The following HERC2 variants were observed in gnomAD, a reference collection of about 807,000 sequenced individuals.
HERC2 encodes the protein HECT and RLD domain containing E3 ubiquitin protein ligase 2.
In HERC2, 102 loss-of-function variants were observed where a neutral mutation model predicts 537.7. The observed-to-expected ratio is 0.19, with a 90% CI of 0.16 to 0.22. The LOEUF (loss-of-function observed/expected upper bound fraction) is 0.22, where lower values mean the gene tolerates loss of function less well. Ranked by LOEUF, HERC2 falls within the 10% of genes least tolerant of loss-of-function variation. The probability of loss-of-function intolerance (pLI) is 1.00; values close to 1 mark genes in which losing one functional copy is unlikely to be tolerated. For missense variants in HERC2, 4,236 were observed against 6,198.2 expected, an observed-to-expected ratio of 0.68 and a Z score of 10.63; for synonymous variants, 2,224 against 2,466.2, an observed-to-expected ratio of 0.90 and a Z score of 2.91.
chr15:28,222,296 A>G (rs532035082), intron 35 of HERC2, 81 bp from the exon 36 acceptor site: 3 of 649,868 alleles, frequency 4.6e-6, no homozygotes, highest in African/African-American at 3.5e-5. Context: ...TTCACAAAGT[A>G]CTAATGAAGA....
At chr15:28,190,746 A>G in intron 55 of HERC2, 2 of 581,918 alleles carry the variant, frequency 3.4e-6, no homozygotes, top group Admixed American at 3.1e-5. Flanking sequence ...TACCAAAGAG[A>G]GTGAGAATGA....
intron 30 of HERC2, among the ~76,000 whole-genome samples, chr15:28,231,306 G>A (rs1901814575): frequency 6.6e-6 from 1 of 152,172 alleles, no homozygotes; most frequent in Non-Finnish European, 1.5e-5. Context: ...TCTAGGAGCT[G>A]AGCTCTGAGC....
chr15:28,135,643 G>A lies in HERC2; in HGVS notation c.12065C>T (p.Thr4022Ile). 6.2e-7 allele frequency: 1 copy of A among 1,614,138 alleles called. No individual in the cohort carries two copies. The highest frequency in any genetic ancestry group is 1.1e-5 in the South Asian group (1 of 91,080). The change falls in exon 79 of 93, where the codon ACA (threonine) becomes ATA (isoleucine). Residue 4022 changes from threonine (T) to isoleucine (I), a missense_variant. Thr to Ile is a moderately conservative substitution (Grantham distance 89). Around this residue, in one of 27 missense-constraint regions of HERC2, gnomAD observed 43 missense variants for 82.6 expected, o/e 0.52. Transcript: ENST00000261609. ...CAATGTTGGGGTGGACACCGACTCT[G>A]TCCCTCCAATGCCTAGTCTGCCACC... ...GAGGRLGIGG[T>I]ESVSTPTLLE...
At position 28,178,903 on chromosome 15, in the gene HERC2, C is replaced by T. The variant is rs1895556888; in HGVS notation, c.9147G>A (p.Lys3049=). ...ITALSSYVVK[K]VAVHSGGRHA... is the part of the protein sequence containing the mutation. ...GGCTTGTACCTGAGTGAACAGCCAC[C>T]TTCTTGACCACGTAGCTGCTGAGAG... Residue 3049 remains lysine (K), a synonymous_variant, in exon 59 of 93, where the codon AAG becomes AAA. Transcript: ENST00000261609. The T allele has an allele frequency of 6.2e-7, 1 of 1,613,754 alleles. No individual in the cohort carries two copies. Among genetic ancestry groups the T allele is most frequent in the South Asian group, 1.1e-5 (1 of 91,072 alleles).
At chr15:28,239,930 T>C (rs1902879853) in intron 23 of HERC2, among the ~76,000 whole-genome samples, 1 of 152,142 alleles carries the variant, frequency 6.6e-6, no homozygotes, top group Non-Finnish European at 1.5e-5. Flanking sequence ...CATGCTCAGG[T>C]CCTAATTCAA....
At chr15:28,314,787 G>A (rs2077037842) in intron 2 of HERC2, among the ~76,000 whole-genome samples, 1 of 151,766 alleles carries the variant, frequency 6.6e-6, no homozygotes, top group Admixed American at 6.6e-5. Flanking sequence ...CTTAAACCCA[G>A]GAGGTGGAGG....
chr15:28,243,573 T>C (rs1903353399), intron 23 of HERC2, among the ~76,000 whole-genome samples: 1 of 151,944 alleles, frequency 6.6e-6, no homozygotes, highest in Non-Finnish European at 1.5e-5. Flanking sequence ...GCACAAAACT[T>C]GAATTGGCAC....
At chr15:28,174,705 C>A in intron 64 of HERC2, 85 bp from the exon 65 acceptor site, 1 of 1,140,400 alleles carries the variant, frequency 8.8e-7, no homozygotes, top group Non-Finnish European at 1.3e-6. Context: ...AAATGCTTAA[C>A]GCGTATGCCA....
intron 2 of HERC2, among the ~76,000 whole-genome samples, chr15:28,307,480 T>C (rs1295380568): frequency 1.3e-5 from 2 of 152,246 alleles, no homozygotes; most frequent in African/African-American, 4.8e-5. Flanking sequence ...GAAGTTTTTC[T>C]ACTTTTTTGA....
Position 28,113,570 on chromosome 15 carries a change from T to C in HERC2, c.14019+3A>G. On this transcript the variant is annotated splice_donor_region_variant and intron_variant, in intron 91 of 92. Coordinates refer to ENST00000261609, the MANE Select transcript of HERC2 (RefSeq NM_004667.6). This position sits in a 1 kb window ranked among gnomAD's most constrained non-coding sequence, Gnocchi z 7.0. ...GGGCAGCCCCACCTGGGGGTCGGCA[T>C]ACCATCGTCTCCAGTTCGTAGCCGG... is the stretch of plus-strand genomic sequence containing the variant. The C allele has an allele frequency of 6.2e-7, 1 of 1,613,490 alleles. No individual in the cohort carries two copies. Among genetic ancestry groups the C allele is most frequent in the Non-Finnish European group, 8.5e-7 (1 of 1,179,512 alleles).
intron 3 of HERC2, among the ~76,000 whole-genome samples, chr15:28,297,748 G>A (rs2076508302): frequency 1.3e-5 from 2 of 152,086 alleles, no homozygotes. Context: ...CAAGAGTCAT[G>A]ATAAAGATGT....
chr15:28,255,371 T>C (rs2075224840), intron 19 of HERC2, among the ~76,000 whole-genome samples: 2 of 151,998 alleles, frequency 1.3e-5, no homozygotes, highest in African/African-American at 2.4e-5. Flanking sequence ...CAATTAAACG[T>C]CCTTCAATAG....
At chr15:28,257,987 C>T (rs1310538494) in intron 16 of HERC2, among the ~76,000 whole-genome samples, 1 of 151,976 alleles carries the variant, frequency 6.6e-6, no homozygotes, top group South Asian at 2.1e-4. Context: ...CCTGGCCATA[C>T]ATATACTTTT....
At chr15:28,190,260 C>CTA (rs944811242) in intron 55 of HERC2, 5 of 148,558 alleles carry the variant, frequency 3.4e-5, no homozygotes, top group Middle Eastern at 3.5e-3. Flanking sequence ...AGCTCGTGAT[C>CTA]TGCCCGCCTC....
chr15:28,192,059 T>C lies in HERC2; in HGVS notation c.8353A>G (p.Met2785Val), dbSNP rs780995240. 6.2e-6 allele frequency: 10 copies of C among 1,613,966 alleles called. No homozygotes were observed. The Admixed American group carries it at 8.3e-5, about 13-fold the overall frequency. The change falls in exon 53 of 93, where the codon ATG (methionine) becomes GTG (valine). Residue 2785 changes from methionine to valine, a missense_variant. Transcript: ENST00000261609. ...PGMLLDSWSR[M>V]VKSLNVSSSV... ...GACGACACATTCAGGCTCTTCACCA[T>C]GCGGGACCAGCTGTCCAGCAGCATG...
rs989683849 is a variant in HERC2, at chr15:28,177,225, G to A, written c.9255-98C>T. ...TACTGATCCACATGTAGTCAACACA[G>A]GATCCACAGATCAACTATCAAAACT... is the stretch of plus-strand genomic sequence containing the variant. On this transcript the variant is annotated intron_variant, in intron 60 of 92. Coordinates refer to ENST00000261609, the MANE Select transcript of HERC2 (RefSeq NM_004667.6). The surrounding 1 kb of genome is among the most constrained non-coding windows in gnomAD (Gnocchi z 5.0). The A allele has an allele frequency of 7.7e-7, 1 of 1,301,156 alleles. No homozygotes were observed. The highest frequency in any genetic ancestry group is 1.1e-6 in the Non-Finnish European group (1 of 935,236). 80.6% of individuals were successfully genotyped at this position (1,301,156 alleles called of 1,614,324 possible).
intron 23 of HERC2, 118 bp downstream of exon 23, chr15:28,245,763 C>T (rs1247820910): frequency 3.3e-6 from 3 of 911,858 alleles, no homozygotes; most frequent in Non-Finnish European, 1.7e-6. Flanking sequence ...ACTTATACTA[C>T]CATCAGTAGA....
Position 28,272,294 on chromosome 15 carries a change from G to C in HERC2, c.1004C>G (p.Ala335Gly). 1 of 1,612,628 alleles carries C rather than the reference G, an allele frequency of 6.2e-7. No individual in the cohort carries two copies. The highest frequency in any genetic ancestry group is 1.3e-5 in the African/African-American group (1 of 75,028). Residue 335 changes from alanine (A) to glycine (G), a missense_variant, in exon 9 of 93, where the codon GCC becomes GGC. Coordinates refer to ENST00000261609, the MANE Select transcript of HERC2 (RefSeq NM_004667.6). ...CCTTTGCAGCAAGGGCAAAAGTGGG[G>C]CGCTGGTGCCCTGGGCGGAACGCTC... ...DNERSAQGTS[A>G]PLLPLLQRFQ...
intron 48 of HERC2, among the ~76,000 whole-genome samples, chr15:28,200,879 G>A (rs1897838853): frequency 7.1e-6 from 1 of 141,214 alleles, no homozygotes; most frequent in African/African-American, 2.7e-5. Context: ...ACTAAAACAA[G>A]AGAATTAGGA....
Sources: gnomAD v4.1 joint callset for allele counts (sites outside exome capture counted in the v4.1 genomes callset) on GRCh38, gnomAD v4.1.1 for gene constraint, gnomAD v4.1.1 regional missense constraint, Gnocchi (gnomAD v3.1) non-coding constraint, MANE v1.5 for transcripts, NCBI Gene and HGNC (gene_info 2026-07-23, HGNC 2026-07-21) for gene names.